ST8SIA5: variants seen among roughly 807,000 people sequenced by gnomAD.
The protein encoded by ST8SIA5 is ST8 alpha-N-acetyl-neuraminide alpha-2,8-sialyltransferase 5.
Under a neutral mutation model 40.2 loss-of-function variants are expected in ST8SIA5, and 24 were observed. The observed-to-expected ratio is 0.60, with a 90% CI of 0.43 to 0.84. The LOEUF (loss-of-function observed/expected upper bound fraction) is 0.84, where lower values mean the gene tolerates loss of function less well. Among genes scored for constraint, ST8SIA5 ranks in the 40% least tolerant of loss-of-function variants. ST8SIA5 has a pLI of 0.00. For missense variants in ST8SIA5, 465 were observed against 498.5 expected, an observed-to-expected ratio of 0.93 and a Z score of 0.64; for synonymous variants, 198 against 201.8, an observed-to-expected ratio of 0.98 and a Z score of 0.16.
Position 46,678,447 on chromosome 18 carries a change from T to C in ST8SIA5, c.*1595A>G, listed in dbSNP as rs959183957. 7.2e-5 allele frequency: 11 copies of C among 152,286 alleles called. No homozygotes were observed. Among genetic ancestry groups the C allele is most frequent in the African/African-American group, 2.2e-4 (9 of 41,430 alleles). The allele number at this position is 152,286 out of a possible 1,614,324, so 9.4% of individuals were successfully genotyped here. ...CCGGGGGGCCTGTCAAATGAGGTGA[T>C]TGGATAGCAGATCCCACTCCCTGAT... On this transcript the variant is annotated 3_prime_UTR_variant, in exon 7 of 7. Transcript: ENST00000315087.
chr18:46,721,524 C>A (rs2039863573), intron 1 of ST8SIA5: 2 of 1,430,048 alleles, frequency 1.4e-6, no homozygotes, highest in Non-Finnish European at 1.9e-6. Flanking sequence ...GTTAAGCCTG[C>A]CTACCAGAGA....
At chr18:46,731,072 C>G (rs1404217776) in intron 1 of ST8SIA5, among the ~76,000 whole-genome samples, 1 of 152,206 alleles carries the variant, frequency 6.6e-6, no homozygotes, top group Non-Finnish European at 1.5e-5. Flanking sequence ...ATGGCTCTGT[C>G]AACTACGTGA....
chr18:46,735,804 G>A lies in ST8SIA5; in HGVS notation c.131+20574C>T, dbSNP rs1415844922. On this transcript the variant is annotated intron_variant, in intron 1 of 6. Transcript: ENST00000315087. ...ATTTTTTTTTTTTTCGTACAGACAG[G>A]GTATCACTCTGCTGCCCAGGCTAGT... Among the ~76,000 whole-genome samples the A allele has an allele frequency of 1.1e-4, 16 of 151,788 alleles. 1 individual carries two copies. Among genetic ancestry groups the A allele is most frequent in the Admixed American group, 1.1e-3 (16 of 15,226 alleles).
chr18:46,721,925 C>G (rs541531729), intron 1 of ST8SIA5, among the ~76,000 whole-genome samples: 2 of 152,310 alleles, frequency 1.3e-5, no homozygotes, highest in South Asian at 4.1e-4. Flanking sequence ...TGGTTCAAGA[C>G]GTGCACTCAG....
chr18:46,711,763 G>T (rs1202737749), intron 1 of ST8SIA5, among the ~76,000 whole-genome samples: 4 of 152,244 alleles, frequency 2.6e-5, no homozygotes, highest in African/African-American at 9.6e-5. Context: ...GGTCACAGCT[G>T]TCAGGAGACA....
intron 1 of ST8SIA5, among the ~76,000 whole-genome samples, chr18:46,740,047 T>C (rs2040073264): frequency 6.6e-6 from 1 of 152,208 alleles, no homozygotes; most frequent in Admixed American, 6.5e-5. Context: ...CCAAGAACAC[T>C]TCTCAATAAA....
chr18:46,694,267 T>C (rs2039534825), intron 2 of ST8SIA5, among the ~76,000 whole-genome samples: 1 of 152,166 alleles, frequency 6.6e-6, no homozygotes, highest in Non-Finnish European at 1.5e-5. Context: ...TATGGTCAAA[T>C]ATAGTTGGGG....
At position 46,699,798 on chromosome 18, in the gene ST8SIA5, C is replaced by G. The variant is rs554725821; in HGVS notation, c.224+4774G>C. Among the ~76,000 whole-genome samples, 30 of 152,294 alleles carry G rather than the reference C, an allele frequency of 2.0e-4. 1 individual carries two copies. Among genetic ancestry groups the G allele is most frequent in the Non-Finnish European group, 3.2e-4 (22 of 68,022 alleles). On this transcript the variant is annotated intron_variant, in intron 2 of 6. Transcript: ENST00000315087. ...GGCATAGGGCCAGACTCAGAGATGC[C>G]GAAGCCTGGGTCCTGGCCCTCCAGG...
chr18:46,674,041 G>C lies in ST8SIA5; in HGVS notation c.*6001C>G, dbSNP rs989924609. On this transcript the variant is annotated 3_prime_UTR_variant, in exon 7 of 7. Transcript: ENST00000315087. ...GGTCTTCCCCTTCGCATCTGGAGCA[G>C]ACATCCTGCAAAGCTCAGCTCACCT... 54 of 152,304 alleles carry C rather than the reference G, an allele frequency of 3.5e-4. No homozygotes were observed. Among genetic ancestry groups the C allele is most frequent in the African/African-American group, 1.3e-3 (52 of 41,564 alleles). 9.4% of individuals were successfully genotyped at this position (152,304 alleles called of 1,614,324 possible). A position where few individuals can be genotyped will look rare whatever the true frequency, so the allele number is the denominator to read the frequency against.
At chr18:46,705,929 C>A (rs1424527585) in intron 1 of ST8SIA5, among the ~76,000 whole-genome samples, 1 of 152,166 alleles carries the variant, frequency 6.6e-6, no homozygotes, top group Non-Finnish European at 1.5e-5. Flanking sequence ...TCGCACGTAC[C>A]CTTACACACT....
chr18:46,727,401 G>A (rs138540354), intron 1 of ST8SIA5, among the ~76,000 whole-genome samples: 88 of 152,336 alleles, frequency 5.8e-4, no homozygotes, highest in Middle Eastern at 3.4e-3. Flanking sequence ...ACAGCCATCA[G>A]AGGATGGGGA....
intron 1 of ST8SIA5, among the ~76,000 whole-genome samples, chr18:46,750,280 T>C (rs960893601): frequency 5.9e-5 from 9 of 152,148 alleles, no homozygotes; most frequent in African/African-American, 1.7e-4. Flanking sequence ...TAAATAAACA[T>C]TGCCCTTTCC....
chr18:46,716,457 C>T (rs2039792536), intron 1 of ST8SIA5, among the ~76,000 whole-genome samples: 1 of 152,218 alleles, frequency 6.6e-6, no homozygotes, highest in Admixed American at 6.5e-5. Context: ...AGGGAGAAGG[C>T]TGTCCCACCC....
At chr18:46,705,457 A>G (rs1241414374) in intron 1 of ST8SIA5, among the ~76,000 whole-genome samples, 1 of 152,252 alleles carries the variant, frequency 6.6e-6, no homozygotes, top group Non-Finnish European at 1.5e-5. Flanking sequence ...TAATCAGCCT[A>G]TGAGGAAATT....
chr18:46,743,786 A>C (rs1052952853), intron 1 of ST8SIA5, among the ~76,000 whole-genome samples: 1 of 152,218 alleles, frequency 6.6e-6, no homozygotes, highest in East Asian at 1.9e-4. Flanking sequence ...AGTTGAAATG[A>C]AGGAAAAAAG....
chr18:46,687,705 C>G (rs565984007), intron 4 of ST8SIA5, among the ~76,000 whole-genome samples: 2 of 152,326 alleles, frequency 1.3e-5, no homozygotes, highest in South Asian at 4.1e-4. Flanking sequence ...GTACCAGTCA[C>G]AGAATGCAGG....
chr18:46,719,609 A>C (rs2039830851), intron 1 of ST8SIA5, among the ~76,000 whole-genome samples: 1 of 152,080 alleles, frequency 6.6e-6, no homozygotes, highest in African/African-American at 2.4e-5. Context: ...TCTGCCAAGA[A>C]ACAGCTTCCC....
At chr18:46,751,814 C>T (rs11876971) in intron 1 of ST8SIA5, among the ~76,000 whole-genome samples, 239 of 152,254 alleles carry the variant, frequency 1.6e-3, no homozygotes, top group African/African-American at 5.2e-3. Flanking sequence ...TCAAGGTCTC[C>T]GGCTATAACA....
chr18:46,751,408 A>T (rs1445114400), intron 1 of ST8SIA5, among the ~76,000 whole-genome samples: 3 of 151,602 alleles, frequency 2.0e-5, no homozygotes, highest in African/African-American at 4.9e-5. Context: ...TTATTTATTT[A>T]TTTTTTGAGA....
Sources: gnomAD v4.1 joint callset for allele counts (sites outside exome capture counted in the v4.1 genomes callset) on GRCh38, gnomAD v4.1.1 for gene constraint, MANE v1.5 for transcripts, NCBI Gene and HGNC (gene_info 2026-07-23, HGNC 2026-07-21) for gene names.